The following PPARG variants were observed in gnomAD, a reference collection of about 807,000 sequenced individuals.
PPARG encodes peroxisome proliferator activated receptor gamma.
PPARG carries 17 observed loss-of-function variants against 39.2 expected under a neutral mutation model. The observed-to-expected ratio is 0.43, with a 90% confidence interval of 0.30 to 0.65. The LOEUF is 0.65. Ranked by LOEUF, PPARG falls within the 30% of genes least tolerant of loss-of-function variation. PPARG has a pLI of 0.13. For missense variants in PPARG, 406 were observed against 585.9 expected, an observed-to-expected ratio of 0.69 and a Z score of 3.17; for synonymous variants, 223 against 215.7, an observed-to-expected ratio of 1.03 and a Z score of -0.30.
At chr3:12,349,290 T>C (rs958404395) in intron 2 of PPARG, among the ~76,000 whole-genome samples, 3 of 152,232 alleles carry the variant, frequency 2.0e-5, no homozygotes, top group African/African-American at 7.2e-5. Context: ...ACAAAACAGA[T>C]ACATAATAAG....
At position 12,407,897 on chromosome 3, in the gene PPARG, AAAC is replaced by A. The variant is rs2050730174; in HGVS notation, c.729+1817_729+1819del. The stretch of plus-strand genomic sequence containing the variant: ...GATTCAATTCTTTACAGTATAAAAA[AAAC>A]CTTGCACATTTGTTAGGTTCGAGCC... On this transcript the variant is annotated intron_variant, in intron 6 of 7. Coordinates refer to ENST00000651735, the MANE Select transcript of PPARG (RefSeq NM_138711.6). Among the ~76,000 whole-genome samples the A allele has an allele frequency of 2.0e-5, 3 of 152,338 alleles. No homozygotes were observed. In the South Asian group the frequency reaches 6.2e-4, roughly 32 times the overall value.
chr3:12,322,989 A>G (rs1346057197), intron 2 of PPARG, among the ~76,000 whole-genome samples: 2 of 151,742 alleles, frequency 1.3e-5, no homozygotes, highest in African/African-American at 4.8e-5. Flanking sequence ...TTTTTTTAAT[A>G]GAGGTGGAAT....
intron 2 of PPARG, among the ~76,000 whole-genome samples, chr3:12,367,460 A>G (rs1260593875): frequency 6.6e-6 from 1 of 152,118 alleles, no homozygotes; most frequent in Non-Finnish European, 1.5e-5. Flanking sequence ...TGAGGGCATA[A>G]TCCTGTAATC....
chr3:12,326,183 C>A (rs1311424698), intron 2 of PPARG, among the ~76,000 whole-genome samples: 7 of 152,138 alleles, frequency 4.6e-5, no homozygotes. Flanking sequence ...CTACTCCACC[C>A]CCTACCCCCA....
intron 2 of PPARG, among the ~76,000 whole-genome samples, chr3:12,362,230 C>A (rs2048868859): frequency 6.6e-6 from 1 of 152,140 alleles, no homozygotes; most frequent in African/African-American, 2.4e-5. Flanking sequence ...TTTAAAAACA[C>A]AGTCTGCCTA....
At chr3:12,332,388 G>A (rs972812911) in intron 2 of PPARG, among the ~76,000 whole-genome samples, 8 of 152,292 alleles carry the variant, frequency 5.3e-5, no homozygotes, top group African/African-American at 1.7e-4. Flanking sequence ...TATAAAAAAT[G>A]TTGAAGATTA....
chr3:12,340,185 A>G (rs1214820858), intron 2 of PPARG, among the ~76,000 whole-genome samples: 3 of 152,224 alleles, frequency 2.0e-5, no homozygotes, highest in Non-Finnish European at 4.4e-5. Flanking sequence ...CCTGCTGCCT[A>G]AGGAAGGAGT....
chr3:12,291,861 T>C (rs1440794678), intron 1 of PPARG, among the ~76,000 whole-genome samples: 1 of 152,230 alleles, frequency 6.6e-6, no homozygotes, highest in Non-Finnish European at 1.5e-5. Flanking sequence ...TTCTCTCAAT[T>C]TTGTCATCTT....
chr3:12,287,816 G>GCCCCCGCCCCCA (rs1559479730), upstream of PPARG: 3 of 37,596 alleles, frequency 8.0e-5, no homozygotes, highest in East Asian at 1.1e-3. Context: ...CCCCGCCCCC[G>GCCCCCGCCCCCA]CCCCCACCCC....
rs535517427 is a variant in PPARG at position 12,295,502 on chromosome 3, G to T, written c.-83+6368G>T. On this transcript the variant is annotated intron_variant, in intron 1 of 7. Coordinates refer to ENST00000651735, the MANE Select transcript of PPARG (RefSeq NM_138711.6). Reference sequence around the variant, plus strand: ...ATTTTTACAGTTTGTTTTCAAGAAGGTTCAAAAAAAAATTTTTTTTTTTTT... The same window carrying T: ...ATTTTTACAGTTTGTTTTCAAGAAGTTTCAAAAAAAAATTTTTTTTTTTTT... Among the ~76,000 whole-genome samples the T allele has an allele frequency of 3.2e-3, 430 of 133,150 alleles. 2 individuals carry two copies. Among genetic ancestry groups the T allele is most frequent in the African/African-American group, 0.012 (396 of 32,418 alleles). 87.4% of individuals were successfully genotyped at this position (133,150 alleles called of 152,430 possible).
chr3:12,391,131 A>T (rs1320046984), intron 4 of PPARG, among the ~76,000 whole-genome samples: 1 of 152,220 alleles, frequency 6.6e-6, no homozygotes, highest in African/African-American at 2.4e-5. Flanking sequence ...GTTACGTGAC[A>T]TCTGTATTAA....
At chr3:12,332,341 T>C (rs1017074188) in intron 2 of PPARG, among the ~76,000 whole-genome samples, 4 of 152,208 alleles carry the variant, frequency 2.6e-5, no homozygotes, top group Non-Finnish European at 5.9e-5. Context: ...AGAATCTTAG[T>C]TTTATTTTTG....
At chr3:12,370,260 G>A (rs1332524752) in intron 2 of PPARG, among the ~76,000 whole-genome samples, 5 of 150,568 alleles carry the variant, frequency 3.3e-5, no homozygotes, top group Non-Finnish European at 5.9e-5. Flanking sequence ...GAGAAGTTCA[G>A]TGTCATTCTG....
At chr3:12,369,122 C>G (rs553021905) in intron 2 of PPARG, among the ~76,000 whole-genome samples, 2 of 152,132 alleles carry the variant, frequency 1.3e-5, no homozygotes, top group African/African-American at 2.4e-5. Flanking sequence ...AGCTAAATCC[C>G]GCTCCTCATA....
Position 12,402,360 on chromosome 3 carries a change from A to G in PPARG, c.530-3522A>G, listed in dbSNP as rs188386207. Among the ~76,000 whole-genome samples the G allele has an allele frequency of 1.7e-3, 263 of 152,208 alleles. 1 individual carries two copies. Among genetic ancestry groups the G allele is most frequent in the Non-Finnish European group, 2.7e-3 (182 of 68,002 alleles). ...CTTCTTACTTAGTGCTTTTCTCATG[A>G]TCATTTTCCCAAACTTCCTAATGGA... On this transcript the variant is annotated intron_variant, in intron 5 of 7. Transcript: ENST00000651735.
At chr3:12,375,918 A>G (rs891275034) in intron 2 of PPARG, among the ~76,000 whole-genome samples, 2 of 151,778 alleles carry the variant, frequency 1.3e-5, no homozygotes, top group African/African-American at 4.8e-5. Context: ...ACGCGCATTC[A>G]CAGGACCAGT....
intron 5 of PPARG, among the ~76,000 whole-genome samples, chr3:12,403,774 A>G (rs1227094552): frequency 6.6e-6 from 1 of 152,200 alleles, no homozygotes; most frequent in Non-Finnish European, 1.5e-5. Context: ...TATCTGAGCA[A>G]AGTGGTCAGG....
chr3:12,406,399 G>T (rs1024894763), intron 6 of PPARG: 2 of 373,504 alleles, frequency 5.4e-6, no homozygotes, highest in East Asian at 1.3e-4. Flanking sequence ...CTCCTTTCTC[G>T]GCATCAAAAT....
At chr3:12,293,752 G>T (rs1449706020) in intron 1 of PPARG, among the ~76,000 whole-genome samples, 1 of 152,138 alleles carries the variant, frequency 6.6e-6, no homozygotes, top group African/African-American at 2.4e-5. Context: ...ATGGAAAGAG[G>T]TTACTTTTTC....
Sources: allele counts gnomAD v4.1 joint callset (sites outside exome capture counted in the v4.1 genomes callset), GRCh38; gene constraint gnomAD v4.1.1; transcripts MANE v1.5; gene names NCBI Gene and HGNC (gene_info 2026-07-23, HGNC 2026-07-21).